The following AUTS2 variants were observed in gnomAD, a reference collection of about 807,000 sequenced individuals.
AUTS2 encodes the protein activator of transcription and developmental regulator AUTS2.
Under a neutral mutation model 112.4 loss-of-function variants are expected in AUTS2, and 17 were observed. The ratio of observed to expected loss-of-function variants is 0.15; its 90% CI spans 0.10 to 0.23. The LOEUF (loss-of-function observed/expected upper bound fraction) is 0.23, where lower values mean the gene tolerates loss of function less well. Ranked by LOEUF, AUTS2 falls within the 10% of genes least tolerant of loss-of-function variation. The pLI is 1.00. For missense variants in AUTS2, 1,510 were observed against 1,701.6 expected, an observed-to-expected ratio of 0.89 and a Z score of 1.98; for synonymous variants, 751 against 702.7, an observed-to-expected ratio of 1.07 and a Z score of -1.09.
chr7:69,886,763 T>TTTTG (rs1554398774), intron 1 of AUTS2, among the ~76,000 whole-genome samples: 7 of 129,870 alleles, frequency 5.4e-5, no homozygotes, highest in Non-Finnish European at 8.1e-5. Context: ...TTTGACTTCT[T>TTTTG]TGTGTGTGTG....
chr7:70,750,342 TA>T (rs1788726354), intron 6 of AUTS2, among the ~76,000 whole-genome samples: 1 of 150,254 alleles, frequency 6.7e-6, no homozygotes, highest in Admixed American at 6.6e-5. Context: ...TTTTTTTTTT[TA>T]AACAGGGTCT....
At chr7:69,976,849 C>T (rs1165559711) in intron 2 of AUTS2, among the ~76,000 whole-genome samples, 8 of 151,998 alleles carry the variant, frequency 5.3e-5, no homozygotes, top group South Asian at 2.1e-4. Context: ...AACCTTTTTT[C>T]GGGCATATGG....
intron 5 of AUTS2, among the ~76,000 whole-genome samples, chr7:70,492,920 TATA>T (rs1198904392): frequency 6.6e-6 from 1 of 152,254 alleles, no homozygotes; most frequent in Non-Finnish European, 1.5e-5. Context: ...ATGAATAAAT[TATA>T]ATAACTTTTG....
Position 70,792,926 on chromosome 7 carries a change from T to C in AUTS2, c.*1930T>C, listed in dbSNP as rs1792062436. 6.6e-6 allele frequency: 1 copy of C among 152,582 alleles called. No individual in the cohort carries two copies. Among genetic ancestry groups the C allele is most frequent in the Non-Finnish European group, 1.5e-5 (1 of 68,034 alleles). The allele number at this position is 152,582 out of a possible 1,614,324, so 9.5% of individuals were successfully genotyped here. A position where few individuals can be genotyped will look rare whatever the true frequency, so the allele number is the denominator to read the frequency against. On this transcript the variant is annotated 3_prime_UTR_variant, in exon 19 of 19. Transcript: ENST00000342771. ...CATCATTACCTTAGGGAAGAAGCCA[T>C]ACCTGTACAAGACCGGGCTCTTGAA...
chr7:69,807,056 G>T lies in AUTS2; in HGVS notation c.310-92230G>T, dbSNP rs76609713. 3.0e-3 allele frequency among the ~76,000 whole-genome samples: 454 copies of T among 152,200 alleles called. 3 individuals are homozygous for T. Among genetic ancestry groups the T allele is most frequent in the African/African-American group, 0.01 (431 of 41,538 alleles). On this transcript the variant is annotated intron_variant, in intron 1 of 18. Transcript: ENST00000342771. ...TAATGTTTAGTTTCCTGGACCTCAT[G>T]TTGCCTCCCTAAAACTTAAATGGGG...
chr7:70,580,022 C>T (rs1802360767), intron 5 of AUTS2, among the ~76,000 whole-genome samples: 1 of 152,136 alleles, frequency 6.6e-6, no homozygotes. Flanking sequence ...GGCCAGGACA[C>T]AGACCCTCTA....
intron 4 of AUTS2, among the ~76,000 whole-genome samples, chr7:70,220,426 A>T (rs1811415757): frequency 6.6e-6 from 1 of 152,172 alleles, no homozygotes; most frequent in African/African-American, 2.4e-5. Context: ...GCATCGAGGG[A>T]TATTCAGAGA....
chr7:69,699,623 A>T (rs1797718379), intron 1 of AUTS2, among the ~76,000 whole-genome samples: 1 of 145,546 alleles, frequency 6.9e-6, no homozygotes, highest in African/African-American at 2.5e-5. Flanking sequence ...CTTACAAGTG[A>T]TGCTGCAGTG....
At chr7:69,750,605 C>T (rs1446238632) in intron 1 of AUTS2, among the ~76,000 whole-genome samples, 2 of 151,958 alleles carry the variant, frequency 1.3e-5, no homozygotes, top group African/African-American at 4.8e-5. Flanking sequence ...AAGTGATCCT[C>T]CTCACTTAGC....
chr7:70,317,277 G>A (rs539257330), intron 4 of AUTS2, among the ~76,000 whole-genome samples: 18 of 152,070 alleles, frequency 1.2e-4, no homozygotes, highest in Non-Finnish European at 2.4e-4. Context: ...ACTGCAGGGC[G>A]GGGTTTTGTA....
At chr7:70,526,012 A>G (rs1422854687) in intron 5 of AUTS2, among the ~76,000 whole-genome samples, 1 of 152,150 alleles carries the variant, frequency 6.6e-6, no homozygotes, top group Non-Finnish European at 1.5e-5. Flanking sequence ...ACCTCTCACC[A>G]TGCACCCCAA....
chr7:69,677,133 T>C (rs139014978), intron 1 of AUTS2, among the ~76,000 whole-genome samples: 54 of 152,274 alleles, frequency 3.5e-4, no homozygotes, highest in African/African-American at 1.3e-3. Flanking sequence ...TCAGAGCTGA[T>C]AGAGTTTAGA....
chr7:70,671,339 T>C (rs1244324042), intron 5 of AUTS2, among the ~76,000 whole-genome samples: 2 of 152,218 alleles, frequency 1.3e-5, no homozygotes, highest in Admixed American at 1.3e-4. Context: ...ATGCTTGAAA[T>C]GAAAGCTTGT....
rs147713074 is a variant in AUTS2, at chr7:69,761,637, T to C, written c.310-137649T>C. Among the ~76,000 whole-genome samples the C allele has an allele frequency of 1.1e-4, 17 of 152,206 alleles. No individual in the cohort carries two copies. In the East Asian group the frequency reaches 3.3e-3, roughly 29 times the overall value. ...CATGGATTTGAAATCAGATAGGAAG[T>C]TAAGGAATGCCGGGCTCCTCTGAAT... is the stretch of plus-strand genomic sequence containing the variant. On this transcript the variant is annotated intron_variant, in intron 1 of 18. Coordinates refer to ENST00000342771, the MANE Select transcript of AUTS2 (RefSeq NM_015570.4).
intron 2 of AUTS2, among the ~76,000 whole-genome samples, chr7:70,104,696 T>C (rs1229188749): frequency 6.6e-6 from 1 of 152,226 alleles, no homozygotes; most frequent in Non-Finnish European, 1.5e-5. Flanking sequence ...GGATAATCTG[T>C]AAAACTTTGA....
intron 4 of AUTS2, among the ~76,000 whole-genome samples, chr7:70,375,904 A>G (rs1011079581): frequency 6.6e-6 from 1 of 152,178 alleles, no homozygotes; most frequent in Non-Finnish European, 1.5e-5. Flanking sequence ...GTGGAATAAT[A>G]GTAGGCATCA....
At chr7:70,466,863 G>A (rs1436838620) in intron 5 of AUTS2, among the ~76,000 whole-genome samples, 1 of 152,196 alleles carries the variant, frequency 6.6e-6, no homozygotes, top group Non-Finnish European at 1.5e-5. Context: ...TGGCAGCTGT[G>A]TGGAGGACGG....
chr7:70,335,201 T>G (rs554788249), intron 4 of AUTS2, among the ~76,000 whole-genome samples: 2 of 152,220 alleles, frequency 1.3e-5, no homozygotes, highest in Non-Finnish European at 2.9e-5. Flanking sequence ...GCATTAAGTT[T>G]CATTATGTGT....
intron 1 of AUTS2, among the ~76,000 whole-genome samples, chr7:69,789,922 A>G (rs1387018996): frequency 6.6e-6 from 1 of 151,878 alleles, no homozygotes; most frequent in Non-Finnish European, 1.5e-5. Flanking sequence ...TGAGTGAAGT[A>G]TTTGCTTAAA....
Sources: allele counts gnomAD v4.1 joint callset (sites outside exome capture counted in the v4.1 genomes callset), GRCh38; gene constraint gnomAD v4.1.1; transcripts MANE v1.5; gene names NCBI Gene and HGNC (gene_info 2026-07-23, HGNC 2026-07-21).